SNAP91: variants seen among roughly 807,000 people sequenced by gnomAD.
The protein encoded by SNAP91 is synaptosome associated protein 91, also known as clathrin coat assembly protein AP180.
Under a neutral mutation model 100.3 loss-of-function variants are expected in SNAP91, and 27 were observed. The ratio of observed to expected loss-of-function variants is 0.27; its 90% CI spans 0.20 to 0.37. SNAP91 has a LOEUF of 0.37. SNAP91 is among the 10% of genes least tolerant of loss of function. The pLI, the probability that SNAP91 is intolerant of heterozygous loss-of-function variation, is 1.00. For missense variants in SNAP91, 986 were observed against 1,123.7 expected (o/e 0.88, Z 1.75); for synonymous variants, 404 against 398.6 (o/e 1.01, Z -0.16).
At chr6:83,679,843 A>C (rs573214017) in intron 2 of SNAP91, among the ~76,000 whole-genome samples, 36 of 152,300 alleles carry the variant, frequency 2.4e-4, no homozygotes, top group Non-Finnish European at 3.5e-4. Flanking sequence ...TTCTAGAATA[A>C]AGTGATTTCT....
At chr6:83,566,434 T>A (rs1269107273) in intron 26 of SNAP91, among the ~76,000 whole-genome samples, 1 of 152,188 alleles carries the variant, frequency 6.6e-6, no homozygotes, top group African/African-American at 2.4e-5. Context: ...GCTTTACCCA[T>A]CATTTCAACA....
intron 26 of SNAP91, among the ~76,000 whole-genome samples, chr6:83,572,081 T>C (rs77704317): frequency 0.075 from 11,401 of 152,176 alleles, 800 homozygotes; most frequent in East Asian, 0.25. Flanking sequence ...TTCTTGTAAA[T>C]TGCCCAGTCT....
chr6:83,709,358 GC>G (rs1236466707), upstream of SNAP91: 1 of 152,418 alleles, frequency 6.6e-6, no homozygotes, highest in African/African-American at 2.4e-5. Context: ...GCGCCGGGCC[GC>G]CCCTCCGCTG....
At chr6:83,575,212 T>G in intron 25 of SNAP91, 91 bp from the exon 26 acceptor site, 1 of 901,450 alleles carries the variant, frequency 1.1e-6, no homozygotes. Context: ...TTTATTTGGG[T>G]TTAAAAGCAG....
chr6:83,584,055 C>A (rs181470363), intron 22 of SNAP91, among the ~76,000 whole-genome samples: 1 of 152,226 alleles, frequency 6.6e-6, no homozygotes, highest in East Asian at 1.9e-4. Flanking sequence ...CTTATCCCAG[C>A]CAAGGTAGGT....
intron 22 of SNAP91, among the ~76,000 whole-genome samples, chr6:83,589,410 C>G (rs6912627): frequency 0.021 from 3,158 of 152,194 alleles, 100 homozygotes; most frequent in African/African-American, 0.072. Context: ...GATACTTGAA[C>G]AAGGGTGAGA....
At chr6:83,629,274 G>A (rs905545330) in intron 8 of SNAP91, among the ~76,000 whole-genome samples, 2 of 151,994 alleles carry the variant, frequency 1.3e-5, no homozygotes, top group African/African-American at 4.8e-5. Context: ...GCCTTATAGT[G>A]TAGCTTGAAA....
intron 14 of SNAP91, among the ~76,000 whole-genome samples, chr6:83,603,059 G>A (rs912104102): frequency 6.6e-6 from 1 of 152,172 alleles, no homozygotes; most frequent in African/African-American, 2.4e-5. Flanking sequence ...ACAGGTTAAA[G>A]ATAGTACCTT....
chr6:83,562,684 G>A (rs993349108), intron 26 of SNAP91, among the ~76,000 whole-genome samples: 1 of 152,010 alleles, frequency 6.6e-6, no homozygotes, highest in Non-Finnish European at 1.5e-5. Flanking sequence ...GTGCATATAC[G>A]CCACAACAAC....
intron 2 of SNAP91, among the ~76,000 whole-genome samples, chr6:83,669,007 A>G (rs764430226): frequency 7.2e-5 from 11 of 152,012 alleles, no homozygotes; most frequent in Non-Finnish European, 1.2e-4. Flanking sequence ...ACATTAGCCT[A>G]TAGTTGGGCA....
At chr6:83,688,249 G>T (rs1192258322) in intron 2 of SNAP91, among the ~76,000 whole-genome samples, 2 of 151,746 alleles carry the variant, frequency 1.3e-5, no homozygotes, top group East Asian at 3.9e-4. Flanking sequence ...GTCTCCTTTT[G>T]CTCTAATGAA....
Position 83,602,479 on chromosome 6 carries a change from C to A in SNAP91, c.1142-880G>T, listed in dbSNP as rs571997801. Among the ~76,000 whole-genome samples, 10 of 152,194 alleles carry A rather than the reference C, an allele frequency of 6.6e-5. No individual in the cohort carries two copies. The East Asian group carries it at 1.9e-3, about 29-fold the overall frequency. ...CCTAGTTATACAGAATTCAAATATGCTTCAATAATAGAAGTGGCTTGATCT... is the reference window on the plus strand; with the variant it reads ...CCTAGTTATACAGAATTCAAATATGATTCAATAATAGAAGTGGCTTGATCT... On this transcript the variant is annotated intron_variant, in intron 14 of 29. Coordinates refer to ENST00000369694, the MANE Select transcript of SNAP91 (RefSeq NM_001242792.2).
intron 22 of SNAP91, 135 bp downstream of exon 22, chr6:83,591,076 T>G (rs1447524307): frequency 9.7e-6 from 6 of 620,112 alleles, no homozygotes; most frequent in Non-Finnish European, 1.7e-5. Flanking sequence ...TTTCAATACT[T>G]GTCCCCTCCC....
intron 12 of SNAP91, among the ~76,000 whole-genome samples, chr6:83,609,369 A>T (rs919638566): frequency 3.3e-5 from 5 of 152,200 alleles, no homozygotes; most frequent in Admixed American, 6.5e-5. Context: ...TCACATAGAC[A>T]TAATGGTTTT....
At chr6:83,651,420 C>T (rs2098198036) in intron 7 of SNAP91, among the ~76,000 whole-genome samples, 1 of 152,086 alleles carries the variant, frequency 6.6e-6, no homozygotes, top group Non-Finnish European at 1.5e-5. Flanking sequence ...TCAATGCATC[C>T]TATACATTTT....
At chr6:83,616,926 G>T in intron 10 of SNAP91, 43 bp downstream of exon 10, 2 of 1,196,486 alleles carry the variant, frequency 1.7e-6, no homozygotes, top group Non-Finnish European at 2.4e-6. Context: ...AAGAACGACT[G>T]TAGTATTTTT....
rs1481914316 is a variant in SNAP91 at position 83,553,737 on chromosome 6, CA to C, written c.*558del. The C allele has an allele frequency of 6.6e-6, 1 of 151,986 alleles. No homozygotes were observed. Among genetic ancestry groups the C allele is most frequent in the African/African-American group, 2.4e-5 (1 of 41,392 alleles). 9.4% of individuals were successfully genotyped at this position (151,986 alleles called of 1,614,324 possible). ...TAAAATTTCTTAACATATACAGTGC[CA>C]CAAAAATAAACATTTCTCACAACAG... On this transcript the variant is annotated 3_prime_UTR_variant, in exon 30 of 30. Transcript: ENST00000369694.
intron 22 of SNAP91, among the ~76,000 whole-genome samples, chr6:83,587,267 A>G (rs953382963): frequency 6.6e-6 from 1 of 152,162 alleles, no homozygotes; most frequent in African/African-American, 2.4e-5. Context: ...AAAAAAATCT[A>G]ATCTTAGGCA....
At chr6:83,703,738 C>T (rs2129059862) in intron 2 of SNAP91, among the ~76,000 whole-genome samples, 1 of 152,252 alleles carries the variant, frequency 6.6e-6, no homozygotes, top group East Asian at 1.9e-4. Flanking sequence ...GAAGCACTTG[C>T]TTTTCATGTG....
Sources: gnomAD v4.1 joint callset for allele counts (sites outside exome capture counted in the v4.1 genomes callset) on GRCh38, gnomAD v4.1.1 for gene constraint, MANE v1.5 for transcripts, NCBI Gene and HGNC (gene_info 2026-07-23, HGNC 2026-07-21) for gene names.